The following TEX38 variants were observed in gnomAD, a reference collection of about 807,000 sequenced individuals.
TEX38 encodes testis expressed 38, also known as testis-expressed protein 38.
In TEX38, 5 loss-of-function variants were observed where a neutral mutation model predicts 2.7. The ratio of observed to expected loss-of-function variants is 1.86; its 90% CI spans 0.97 to 3.90. The LOEUF (loss-of-function observed/expected upper bound fraction) is 3.90. Ranked by LOEUF, TEX38 falls within the 30% of genes most tolerant of loss-of-function variation. TEX38 has a pLI of 0.00. For synonymous variants in TEX38, 110 were observed against 103.3 expected, an observed-to-expected ratio of 1.06 and a Z score of -0.39; for missense variants, 218 against 247.9, an observed-to-expected ratio of 0.88 and a Z score of 0.81.
intron 1 of TEX38, 30 bp from the exon 2 acceptor site, chr1:46,672,843 C>T (rs1676609508): frequency 6.5e-7 from 1 of 1,527,272 alleles, no homozygotes. Context: ...TATCAGCCAG[C>T]ATGCCTCTTT....
rs1256560918 is a variant in TEX38 at position 46,673,335 on chromosome 1, A to T, written c.500A>T (p.Asn167Ile). 4 of 1,551,580 alleles carry T rather than the reference A, an allele frequency of 2.6e-6. No homozygotes were observed. The highest frequency in any genetic ancestry group is 3.5e-6 in the Non-Finnish European group (4 of 1,146,994). ...PPLCNLPPLLNHSVSYPLATC... is the reference protein window; with the variant it reads ...PPLCNLPPLLIHSVSYPLATC... ...TTGTGCAACCTACCCCCCCTGCTGA[A>T]CCACTCTGTCTCCTATCCTTTGGCC... The change falls in exon 2 of 2, where the codon AAC becomes ATC. Residue 167 changes from asparagine (N) to isoleucine (I), a missense_variant. Asn to Ile is a moderately radical substitution (Grantham distance 149). Coordinates refer to ENST00000334122, the MANE Select transcript of TEX38 (RefSeq NM_001145474.4).
Position 46,673,087 on chromosome 1 carries a change from C to T in TEX38, c.252C>T (p.Gly84=), listed in dbSNP as rs1203221922. ...GCATGAATGCAGCCATCAACACGGGCCCTGCCCCTGCTGTCACCAAGACTG... is the reference window on the plus strand; with the variant it reads ...GCATGAATGCAGCCATCAACACGGGTCCTGCCCCTGCTGTCACCAAGACTG... ...RYGMNAAINT[G]PAPAVTKTET... is the part of the protein sequence containing the mutation. Residue 84 remains glycine, a synonymous_variant, in exon 2 of 2, where the codon GGC becomes GGT. Transcript: ENST00000334122. 9.0e-6 allele frequency: 14 copies of T among 1,551,650 alleles called. No individual in the cohort carries two copies. Among genetic ancestry groups the T allele is most frequent in the African/African-American group, 1.4e-5 (1 of 73,060 alleles).
At position 46,673,437 on chromosome 1, in the gene TEX38, CT is replaced by C; in HGVS notation, c.606del (p.Pro203LeufsTer43). On this transcript the variant is annotated frameshift_variant, in exon 2 of 2. Transcript: ENST00000334122. LOFTEE classifies it high-confidence loss of function. ...GAAGACCATAGCTTCAATGCCAAGC[CT>C]TTTCCTTCAGAACTGTAGCCTCCTC... ...AQEDHSFNAK[P>X]FPSEL The C allele has an allele frequency of 6.4e-7, 1 of 1,550,736 alleles. No individual in the cohort carries two copies. Among genetic ancestry groups the C allele is most frequent in the Non-Finnish European group, 8.7e-7 (1 of 1,146,324 alleles).
At chr1:46,672,332 C>T (rs1033749773) in intron 1 of TEX38, among the ~76,000 whole-genome samples, 2 of 151,866 alleles carry the variant, frequency 1.3e-5, no homozygotes, top group Admixed American at 1.3e-4. Flanking sequence ...GTAACCTCCA[C>T]CTCCTGGATT....
chr1:46,672,767 T>C, intron 1 of TEX38, 106 bp from the exon 2 acceptor site: 5 of 983,124 alleles, frequency 5.1e-6, no homozygotes, highest in Non-Finnish European at 7.5e-6. Context: ...GTTAAGTGGA[T>C]GGAGCGATTG....
upstream of TEX38, among the ~76,000 whole-genome samples, chr1:46,671,527 C>T (rs997414215): frequency 6.6e-6 from 1 of 152,154 alleles, no homozygotes; most frequent in Non-Finnish European, 1.5e-5. Flanking sequence ...TGTTACATTC[C>T]TCACTGGGGA....
intron 1 of TEX38, 56 bp from the exon 2 acceptor site, chr1:46,672,817 G>C (rs1197710013): frequency 1.4e-6 from 2 of 1,457,826 alleles, no homozygotes; most frequent in Non-Finnish European, 9.3e-7. Flanking sequence ...AAACAGCTCA[G>C]GCCCCAAGCT....
Position 46,673,573 on chromosome 1 carries a change from A to T in TEX38, c.*117A>T. ...ACCCACCTGGATGTCATGCTATGAA[A>T]CATTAAAAGAAAAAAAAAAAAGTCC... On this transcript the variant is annotated 3_prime_UTR_variant, in exon 2 of 2. Coordinates refer to ENST00000334122, the MANE Select transcript of TEX38 (RefSeq NM_001145474.4). The T allele has an allele frequency of 2.4e-6, 2 of 839,878 alleles. No individual in the cohort carries two copies. Among genetic ancestry groups the T allele is most frequent in the Non-Finnish European group, 3.4e-6 (2 of 592,110 alleles). The allele number at this position is 839,878 out of a possible 1,614,324, so 52.0% of individuals were successfully genotyped here.
chr1:46,673,212 C>T lies in TEX38; in HGVS notation c.377C>T (p.Ala126Val). Residue 126 changes from alanine (A) to valine (V), a missense_variant, in exon 2 of 2, where the codon GCT becomes GTT. Physicochemically the swap from Ala to Val is moderately conservative, Grantham distance 64 (BLOSUM62 0). Coordinates refer to ENST00000334122, the MANE Select transcript of TEX38 (RefSeq NM_001145474.4). ...AGCAACCCCAAGGCGGAAGCCCCTG[C>T]TCCCCTGCAACCTGCACTGCAGCTG... is the stretch of plus-strand genomic sequence containing the variant. ...QDSNPKAEAP[A>V]PLQPALQLAP... 4 of 1,550,526 alleles carry T rather than the reference C, an allele frequency of 2.6e-6. No individual in the cohort carries two copies. Among genetic ancestry groups the T allele is most frequent in the Non-Finnish European group, 3.5e-6 (4 of 1,146,332 alleles).
chr1:46,669,429 G>A, upstream of TEX38: 4 of 456,084 alleles, frequency 8.8e-6, no homozygotes, highest in Non-Finnish European at 1.8e-5. Flanking sequence ...TGTTTTCTCT[G>A]TGGATCTGCA....
intron 1 of TEX38, 85 bp downstream of exon 1, chr1:46,672,056 G>A: frequency 1.5e-6 from 2 of 1,360,752 alleles, no homozygotes; most frequent in Non-Finnish European, 2.0e-6. Flanking sequence ...TGCATGGATG[G>A]GACAGTGCCT....
chr1:46,672,915 T>C lies in TEX38; in HGVS notation c.80T>C (p.Val27Ala), dbSNP rs1475140117. The C allele has an allele frequency of 6.4e-7, 1 of 1,551,694 alleles. No individual in the cohort carries two copies. Among genetic ancestry groups the C allele is most frequent in the East Asian group, 2.4e-5 (1 of 40,914 alleles). ...TTTGGAATCCTGGGGCTGTGTTCTG[T>C]GATAACTGGAGGGTGCATTATCTTT... Reference protein sequence around the residue: ...LYFGILGLCSVITGGCIIFLH... With the variant: ...LYFGILGLCSAITGGCIIFLH... Residue 27 changes from valine to alanine, a missense_variant, in exon 2 of 2, where the codon GTG (valine) becomes GCG (alanine). Coordinates refer to ENST00000334122, the MANE Select transcript of TEX38 (RefSeq NM_001145474.4).
In TEX38 at chr1:46,673,482, G is replaced by C. The variant is rs548740661; in HGVS notation, c.*26G>C. 2.0e-6 allele frequency: 3 copies of C among 1,519,264 alleles called. No homozygotes were observed. In the African/African-American group the frequency reaches 4.1e-5, roughly 21 times the overall value. 94.1% of individuals were successfully genotyped at this position (1,519,264 alleles called of 1,614,324 possible). ...CCTCCTCTCACTGAAGGTGGGAGCTGCAGGAATCAGGTGCAGAGTAGGAAA... is the reference window on the plus strand; with the variant it reads ...CCTCCTCTCACTGAAGGTGGGAGCTCCAGGAATCAGGTGCAGAGTAGGAAA... On this transcript the variant is annotated 3_prime_UTR_variant, in exon 2 of 2. Coordinates refer to ENST00000334122, the MANE Select transcript of TEX38 (RefSeq NM_001145474.4).
chr1:46,671,490 C>A (rs777841146), upstream of TEX38, among the ~76,000 whole-genome samples: 2 of 152,208 alleles, frequency 1.3e-5, no homozygotes, highest in Non-Finnish European at 2.9e-5. Flanking sequence ...TTTTTGAGAA[C>A]AGGGCTGCCC....
Position 46,673,326 on chromosome 1 carries a change from C to G in TEX38, c.491C>G (p.Pro164Arg). Reference sequence around the variant, plus strand: ...GCCCCACCCTTGTGCAACCTACCCCCCCTGCTGAACCACTCTGTCTCCTAT... The same window carrying G: ...GCCCCACCCTTGTGCAACCTACCCCGCCTGCTGAACCACTCTGTCTCCTAT... ...PFAPPLCNLP[P>R]LLNHSVSYPL... Residue 164 changes from proline to arginine, a missense_variant, in exon 2 of 2, where the codon CCC becomes CGC. Transcript: ENST00000334122. 1 of 1,551,832 alleles carries G rather than the reference C, an allele frequency of 6.4e-7. No homozygotes were observed. The highest frequency in any genetic ancestry group is 8.7e-7 in the Non-Finnish European group (1 of 1,147,024).
Position 46,672,099 on chromosome 1 carries a change from A to G in TEX38, c.37+128A>G, listed in dbSNP as rs1676592292. On this transcript the variant is annotated intron_variant, in intron 1 of 1. Transcript: ENST00000334122. ...TGGAGGAGAGCTAAGCAGTTAGGAG[A>G]TAGTCTACTCTAGAAAACTAAGAAT... is the stretch of plus-strand genomic sequence containing the variant. 7.9e-6 allele frequency: 7 copies of G among 880,732 alleles called. No homozygotes were observed. In the East Asian group the frequency reaches 8.2e-5, roughly 10 times the overall value. 54.6% of individuals were successfully genotyped at this position (880,732 alleles called of 1,614,324 possible).
chr1:46,669,047 C>T (rs1229677393), upstream of TEX38: 1 of 186,766 alleles, frequency 5.4e-6, no homozygotes, highest in Non-Finnish European at 1.2e-5. Context: ...CCTTTTTGAC[C>T]CCTGGAATCC....
chr1:46,671,726 C>G, upstream of TEX38: 1 of 578,472 alleles, frequency 1.7e-6, no homozygotes. Flanking sequence ...GGATGAAGTC[C>G]CCTCCTTCCA....
chr1:46,670,774 C>T (rs1230927645), upstream of TEX38, among the ~76,000 whole-genome samples: 2 of 152,134 alleles, frequency 1.3e-5, no homozygotes, highest in African/African-American at 4.8e-5. Context: ...CCCTAAGTCA[C>T]ACATTGGAGG....
Sources: allele counts gnomAD v4.1 joint callset (sites outside exome capture counted in the v4.1 genomes callset), GRCh38; gene constraint gnomAD v4.1.1; transcripts MANE v1.5; gene names NCBI Gene and HGNC (gene_info 2026-07-23, HGNC 2026-07-21).